HDAC9: variants seen among roughly 807,000 people sequenced by gnomAD.
The protein encoded by HDAC9 is MEF-2 interacting transcription repressor (MITR) protein.
In HDAC9, 41 loss-of-function variants were observed where a neutral mutation model predicts 139.4. That is an observed-to-expected ratio of 0.29 (90% confidence interval 0.23 to 0.38). The LOEUF (loss-of-function observed/expected upper bound fraction) is 0.38, where lower values mean the gene tolerates loss of function less well. Ranked by LOEUF, HDAC9 falls within the 10% of genes least tolerant of loss-of-function variation. The pLI is 1.00. For missense variants in HDAC9, 1,147 were observed against 1,297.0 expected (o/e 0.88, Z 1.78); for synonymous variants, 517 against 476.2 (o/e 1.09, Z -1.12).
chr7:18,369,240 G>A (rs999408594), intron 1 of HDAC9, among the ~76,000 whole-genome samples: 1 of 152,004 alleles, frequency 6.6e-6, no homozygotes, highest in Non-Finnish European at 1.5e-5. Context: ...TTGTCTCAAT[G>A]TAACAGCAGA....
intron 1 of HDAC9, among the ~76,000 whole-genome samples, chr7:18,459,077 G>A (rs1343912248): frequency 6.6e-6 from 1 of 152,124 alleles, no homozygotes; most frequent in African/African-American, 2.4e-5. Context: ...TTCGGAGTTG[G>A]CATGAGTCAG....
intron 2 of HDAC9, among the ~76,000 whole-genome samples, chr7:18,561,667 T>G (rs1426384042): frequency 1.5e-4 from 22 of 145,686 alleles, no homozygotes; most frequent in Non-Finnish European, 1.5e-5. Flanking sequence ...GCCCATTTTT[T>G]GGACATTTGA....
In HDAC9 at chr7:18,266,256, A is replaced by G. The variant is rs58795924; in HGVS notation, c.25+103907A>G. ...TCATGGTGGCCAACGCACAATTTCA[A>G]AAATTTAAAGTTTTCCTTGAAAGTT... is the stretch of plus-strand genomic sequence containing the variant. On this transcript the variant is annotated intron_variant, in intron 2 of 12. Transcript: ENST00000417496. 2.9e-3 allele frequency among the ~76,000 whole-genome samples: 444 copies of G among 152,302 alleles called. 2 individuals carry two copies. The highest frequency in any genetic ancestry group is 9.9e-3 in the African/African-American group (410 of 41,574).
rs182770923 is a variant in HDAC9 at position 18,197,955 on chromosome 7, A to G, written c.25+35606A>G. 4.2e-3 allele frequency among the ~76,000 whole-genome samples: 634 copies of G among 152,290 alleles called. 5 individuals are homozygous for G. Among genetic ancestry groups the G allele is most frequent in the African/African-American group, 0.015 (614 of 41,574 alleles). On this transcript the variant is annotated intron_variant, in intron 2 of 12. Transcript: ENST00000417496. ...AGGATTTTGACTCCTTTTTCAAAAAATGAGGAGATTGGATTAAGAATTTGT... is the reference window on the plus strand; with the variant it reads ...AGGATTTTGACTCCTTTTTCAAAAAGTGAGGAGATTGGATTAAGAATTTGT...
At chr7:18,535,642 A>C (rs557817944) in intron 2 of HDAC9, among the ~76,000 whole-genome samples, 1 of 151,408 alleles carries the variant, frequency 6.6e-6, no homozygotes, top group Non-Finnish European at 1.5e-5. Flanking sequence ...AGAAAAAGAA[A>C]GTATCAGAAA....
chr7:18,193,227 A>C (rs982954484), intron 2 of HDAC9, among the ~76,000 whole-genome samples: 3 of 152,170 alleles, frequency 2.0e-5, no homozygotes, highest in Non-Finnish European at 2.9e-5. Context: ...CTCTCTGTAG[A>C]GGTAAGATCT....
At chr7:18,832,500 T>G (rs2129208289) in intron 19 of HDAC9, among the ~76,000 whole-genome samples, 1 of 152,316 alleles carries the variant, frequency 6.6e-6, no homozygotes, top group South Asian at 2.1e-4. Context: ...GTAAAATATT[T>G]AAACAATTTT....
intron 1 of HDAC9, among the ~76,000 whole-genome samples, chr7:18,343,281 G>A (rs1782153860): frequency 6.6e-6 from 1 of 151,688 alleles, no homozygotes; most frequent in Non-Finnish European, 1.5e-5. Flanking sequence ...AAGGTGAAAT[G>A]TAGAAGCTAC....
chr7:18,180,263 A>C (rs190335741), intron 2 of HDAC9, among the ~76,000 whole-genome samples: 9 of 149,656 alleles, frequency 6.0e-5, no homozygotes, highest in East Asian at 1.9e-4. Flanking sequence ...ACACACACAC[A>C]CACACACACA....
chr7:18,092,264 C>T (rs1216402370), intron 1 of HDAC9, among the ~76,000 whole-genome samples: 1 of 152,020 alleles, frequency 6.6e-6, no homozygotes, highest in Non-Finnish European at 1.5e-5. Flanking sequence ...ATGGTGTGTG[C>T]CTGAAGTCCC....
In HDAC9 at chr7:18,590,439, G is replaced by C. The variant is rs1036752705; in HGVS notation, c.368G>C (p.Arg123Thr). Residue 123 changes from arginine (R) to threonine (T), a missense_variant, in exon 4 of 26, where the codon AGA (arginine) becomes ACA (threonine). Coordinates refer to ENST00000686413, the MANE Select transcript of HDAC9 (RefSeq NM_178425.4). ...GAACAGGAAGTAGAGAGGCATCGCA[G>C]AGAACAGCAGCTTCCTCCTCTCAGA... ...RQEQEVERHR[R>T]EQQLPPLRGK... is the part of the protein sequence containing the mutation. The C allele has an allele frequency of 8.1e-6, 13 of 1,606,504 alleles. No homozygotes were observed. Among genetic ancestry groups the C allele is most frequent in the Non-Finnish European group, 1.1e-5 (13 of 1,176,222 alleles).
intron 1 of HDAC9, among the ~76,000 whole-genome samples, chr7:18,431,702 A>AT (rs1585852971): frequency 1.3e-5 from 2 of 152,216 alleles, no homozygotes; most frequent in East Asian, 1.9e-4. Flanking sequence ...ATAAATACAT[A>AT]CTGGATTGAT....
intron 25 of HDAC9, among the ~76,000 whole-genome samples, chr7:18,983,579 T>G (rs1785099618): frequency 6.6e-6 from 1 of 152,138 alleles, no homozygotes; most frequent in Non-Finnish European, 1.5e-5. Context: ...CAGCACTCAG[T>G]TTTTTTGGAT....
At chr7:18,441,056 C>G (rs1387411595) in intron 1 of HDAC9, among the ~76,000 whole-genome samples, 1 of 152,214 alleles carries the variant, frequency 6.6e-6, no homozygotes, top group Non-Finnish European at 1.5e-5. Flanking sequence ...ATGGACTTCT[C>G]TGGATCATGT....
At chr7:18,296,480 G>A (rs886549275) in intron 1 of HDAC9, among the ~76,000 whole-genome samples, 10 of 151,728 alleles carry the variant, frequency 6.6e-5, no homozygotes, top group South Asian at 2.1e-4. Flanking sequence ...TATAACTAAC[G>A]CAGGATATGG....
intron 2 of HDAC9, among the ~76,000 whole-genome samples, chr7:18,244,296 C>T (rs1794376073): frequency 6.6e-6 from 1 of 152,138 alleles, no homozygotes; most frequent in Non-Finnish European, 1.5e-5. Context: ...CAAAACCCCC[C>T]TACTATGCAA....
intron 6 of HDAC9, among the ~76,000 whole-genome samples, chr7:18,616,499 T>C (rs1232355157): frequency 6.6e-6 from 1 of 152,218 alleles, no homozygotes; most frequent in Non-Finnish European, 1.5e-5. Context: ...GGTGAAATTT[T>C]GCCTTTTATA....
At chr7:18,558,996 A>G (rs1049081210) in intron 2 of HDAC9, among the ~76,000 whole-genome samples, 1 of 152,134 alleles carries the variant, frequency 6.6e-6, no homozygotes, top group Non-Finnish European at 1.5e-5. Flanking sequence ...AATGCCTTCC[A>G]TGTTGGGTGA....
chr7:18,432,045 C>T lies in HDAC9; in HGVS notation c.-41-64217C>T, dbSNP rs544449375. On this transcript the variant is annotated intron_variant, in intron 1 of 3. Transcript: ENST00000413509. ...GTCCTGAATAAAACAGGTATCCATG[C>T]CTTTGTGCCTTAGCCCAGCTGTTTA... 3.8e-4 allele frequency among the ~76,000 whole-genome samples: 58 copies of T among 152,310 alleles called. 1 individual carries two copies. The South Asian group carries it at 0.012, about 31-fold the overall frequency.
Sources: allele counts gnomAD v4.1 joint callset (sites outside exome capture counted in the v4.1 genomes callset), GRCh38; gene constraint gnomAD v4.1.1; transcripts MANE v1.5; gene names NCBI Gene and HGNC (gene_info 2026-07-23, HGNC 2026-07-21).